GSE1: variants seen among roughly 807,000 people sequenced by gnomAD.
The protein encoded by GSE1 is Gse1 coiled-coil protein.
GSE1 carries 32 observed loss-of-function variants against 112.6 expected under a neutral mutation model. The observed-to-expected ratio is 0.28, with a 90% confidence interval of 0.21 to 0.38. The LOEUF (loss-of-function observed/expected upper bound fraction) is 0.38, where lower values mean the gene tolerates loss of function less well. GSE1 is among the 10% of genes least tolerant of loss of function. The pLI is 1.00. For synonymous variants in GSE1, 1,115 were observed against 735.6 expected (o/e 1.52, Z -8.35); for missense variants, 2,348 against 1,699.2 (o/e 1.38, Z -6.71).
At chr16:85,599,206 A>G (rs1041992840) in intron 1 of GSE1, among the ~76,000 whole-genome samples, 1 of 152,230 alleles carries the variant, frequency 6.6e-6, no homozygotes, top group African/African-American at 2.4e-5. Flanking sequence ...ACACATCTCG[A>G]TATCAGAGGT....
intron 1 of GSE1, among the ~76,000 whole-genome samples, chr16:85,250,008 G>C (rs1039256095): frequency 3.9e-5 from 6 of 152,224 alleles, no homozygotes; most frequent in African/African-American, 1.4e-4. Context: ...AAGCTGTTGC[G>C]GGGTCCTCTG....
chr16:85,588,454 G>A (rs928452770), intron 1 of GSE1, among the ~76,000 whole-genome samples: 1 of 152,130 alleles, frequency 6.6e-6, no homozygotes, highest in Admixed American at 6.5e-5. Flanking sequence ...CCCTGAAAGA[G>A]CCCCCCACAT....
chr16:85,169,935 G>C, exon 1 of GSE1: 1 of 984,600 alleles, frequency 1.0e-6, no homozygotes, highest in Non-Finnish European at 1.2e-6. Context: ...CCCCCCGCGA[G>C]TGGAACGTCG....
intron 1 of GSE1, among the ~76,000 whole-genome samples, chr16:85,274,457 T>A (rs1465331815): frequency 6.6e-6 from 1 of 151,688 alleles, no homozygotes; most frequent in Non-Finnish European, 1.5e-5. Context: ...TATCGAGCAC[T>A]CGGCCAGATG....
At chr16:85,287,715 C>T (rs972691551) in intron 1 of GSE1, among the ~76,000 whole-genome samples, 9 of 152,096 alleles carry the variant, frequency 5.9e-5, no homozygotes, top group Non-Finnish European at 1.0e-4. Context: ...GACCACACCC[C>T]CCGATGCCAT....
Position 85,666,133 on chromosome 16 carries a change from G to C in GSE1, c.2916G>C (p.Glu972Asp). ...AGGAGCTAGCTCCTGCCAGCGGGGA[G>C]AAGGCCAGGCTGAGCGAGGCCCCTG... ...RVQELAPASGEKARLSEAPGG... is the reference protein window; with the variant it reads ...RVQELAPASGDKARLSEAPGG... The change falls in exon 13 of 16, where the codon GAG becomes GAC. Residue 972 changes from glutamate to aspartate, a missense_variant. By Grantham distance (45) the Glu-to-Asp change is conservative. Transcript: ENST00000253458. 1 of 1,613,334 alleles carries C rather than the reference G, an allele frequency of 6.2e-7. No individual in the cohort carries two copies. Among genetic ancestry groups the C allele is most frequent in the Non-Finnish European group, 8.5e-7 (1 of 1,179,964 alleles).
chr16:85,671,654 T>A (rs535668186), intron 15 of GSE1, among the ~76,000 whole-genome samples: 2 of 152,182 alleles, frequency 1.3e-5, no homozygotes, highest in South Asian at 2.1e-4. Context: ...TTATCTAGGA[T>A]TTACTTATAG....
rs576266690 is a variant in GSE1 at position 85,540,128 on chromosome 16, T to C, written c.2465-93786T>C. Among the ~76,000 whole-genome samples, 28 of 152,334 alleles carry C rather than the reference T, an allele frequency of 1.8e-4. No homozygotes were observed. The East Asian group carries it at 5.0e-3, about 27-fold the overall frequency. On this transcript the variant is annotated intron_variant, in intron 2 of 2. Coordinates refer to the GSE1 transcript ENST00000637419. ...TCGACTGGGAAGTGTGGTTTGTTGT[T>C]TGCCTGGTTATTTTTGATTGTGTAC... is the stretch of plus-strand genomic sequence containing the variant.
At chr16:85,230,315 C>T (rs1005712042) in intron 1 of GSE1, among the ~76,000 whole-genome samples, 4 of 152,150 alleles carry the variant, frequency 2.6e-5, no homozygotes, top group Non-Finnish European at 4.4e-5. Context: ...TTTGTGTGTC[C>T]TCTGGCTCAG....
chr16:85,435,510 G>A (rs1397088898), intron 2 of GSE1, among the ~76,000 whole-genome samples: 1 of 152,142 alleles, frequency 6.6e-6, no homozygotes, highest in East Asian at 1.9e-4. Flanking sequence ...CAGCAGGTGC[G>A]CCCATCTGAC....
intron 2 of GSE1, 139 bp downstream of exon 2, chr16:85,634,271 T>C (rs2049801659): frequency 1.6e-6 from 1 of 616,942 alleles, no homozygotes. Context: ...CAGGCAGTGC[T>C]GGCTGAGCTA....
chr16:85,619,650 A>C lies in GSE1; in HGVS notation c.7+6252A>C, dbSNP rs576776593. Among the ~76,000 whole-genome samples, 4 of 152,296 alleles carry C rather than the reference A, an allele frequency of 2.6e-5. No homozygotes were observed. In the South Asian group the frequency reaches 6.2e-4, roughly 24 times the overall value. ...CTCTGGGATTTAGTAACCAGATGGG[A>C]AAGACTGTATTTCTGTATCCAGAGG... is the stretch of plus-strand genomic sequence containing the variant. On this transcript the variant is annotated intron_variant, in intron 1 of 15. Coordinates refer to ENST00000253458, the MANE Select transcript of GSE1 (RefSeq NM_014615.5).
At chr16:85,507,681 A>T (rs964670521) in intron 2 of GSE1, among the ~76,000 whole-genome samples, 1 of 152,050 alleles carries the variant, frequency 6.6e-6, no homozygotes, top group Non-Finnish European at 1.5e-5. Flanking sequence ...TTATGGGGAC[A>T]CCAGTCCTAT....
At chr16:85,428,134 G>A (rs1031454123) in intron 2 of GSE1, among the ~76,000 whole-genome samples, 2 of 152,142 alleles carry the variant, frequency 1.3e-5, no homozygotes, top group African/African-American at 2.4e-5. Context: ...GGTGCATCTC[G>A]CCCACCCTTG....
chr16:85,291,825 TC>T (rs1417072549), intron 1 of GSE1, among the ~76,000 whole-genome samples: 2 of 151,344 alleles, frequency 1.3e-5, no homozygotes, highest in African/African-American at 4.9e-5. Flanking sequence ...TTCCTCCCCA[TC>T]CCCCCGCCAG....
chr16:85,262,522 C>T (rs1907806762), intron 1 of GSE1, among the ~76,000 whole-genome samples: 1 of 152,212 alleles, frequency 6.6e-6, no homozygotes, highest in Non-Finnish European at 1.5e-5. Flanking sequence ...CTCCTCCAGC[C>T]CCACATCGGT....
intron 1 of GSE1, among the ~76,000 whole-genome samples, chr16:85,294,078 G>A (rs2045295537): frequency 6.6e-6 from 1 of 152,136 alleles, no homozygotes; most frequent in African/African-American, 2.4e-5. Flanking sequence ...GAAAACACCG[G>A]CAAAGACTCC....
intron 1 of GSE1, among the ~76,000 whole-genome samples, chr16:85,200,430 A>G (rs931468751): frequency 1.9e-4 from 29 of 151,136 alleles, no homozygotes; most frequent in African/African-American, 6.5e-4. Flanking sequence ...GAAAGAAGGA[A>G]GCTTTGCTTA....
chr16:85,497,176 G>C (rs1001417385), intron 2 of GSE1, among the ~76,000 whole-genome samples: 1 of 152,238 alleles, frequency 6.6e-6, no homozygotes, highest in African/African-American at 2.4e-5. Context: ...TGGGATTACA[G>C]GCGTGAGCCA....
Sources: gnomAD v4.1 joint callset for allele counts (sites outside exome capture counted in the v4.1 genomes callset) on GRCh38, gnomAD v4.1.1 for gene constraint, MANE v1.5 for transcripts, NCBI Gene and HGNC (gene_info 2026-07-23, HGNC 2026-07-21) for gene names.